The following AKAP7 variants were observed in gnomAD, a reference collection of about 807,000 sequenced individuals.
AKAP7 encodes A kinase (PRKA) anchor protein 7.
A neutral mutation model predicts 39.5 loss-of-function variants in AKAP7; 39 were observed. That is an observed-to-expected ratio of 0.99 (90% CI 0.76 to 1.29). AKAP7 has a LOEUF of 1.29. AKAP7 is among the 50% of genes most tolerant of loss of function. The probability of loss-of-function intolerance (pLI) is 0.00; values close to 1 mark genes in which losing one functional copy is unlikely to be tolerated. For synonymous variants in AKAP7, 140 were observed against 139.1 expected (o/e 1.01, Z -0.05); for missense variants, 414 against 407.7 (o/e 1.02, Z -0.13).
At chr6:131,261,665 A>G (rs1211564772) in intron 7 of AKAP7, among the ~76,000 whole-genome samples, 1 of 152,214 alleles carries the variant, frequency 6.6e-6, no homozygotes, top group East Asian at 1.9e-4. Context: ...AAATTGTTTT[A>G]TGGAGAATCA....
rs140907752 is a variant in AKAP7 at position 131,198,851 on chromosome 6, C to A, written c.590-610C>A. On this transcript the variant is annotated intron_variant, in intron 5 of 7. Coordinates refer to ENST00000431975, the MANE Select transcript of AKAP7 (RefSeq NM_016377.4). ...ACTGATCAGGACTCAGCAGAATATT[C>A]TAGGGGAACCCTTTGAAGAGCTCTG... Among the ~76,000 whole-genome samples the A allele has an allele frequency of 2.5e-3, 379 of 152,290 alleles. 4 individuals are homozygous for A. The highest frequency in any genetic ancestry group is 8.3e-3 in the African/African-American group (343 of 41,558).
At chr6:131,150,526 C>T (rs908070664) in intron 2 of AKAP7, among the ~76,000 whole-genome samples, 12 of 152,096 alleles carry the variant, frequency 7.9e-5, no homozygotes, top group African/African-American at 2.7e-4. Flanking sequence ...GAAGCATATA[C>T]TGCATATTCC....
At chr6:131,235,586 T>G (rs577560255) in intron 7 of AKAP7, among the ~76,000 whole-genome samples, 1 of 152,332 alleles carries the variant, frequency 6.6e-6, no homozygotes, top group Admixed American at 6.5e-5. Flanking sequence ...TCCTGACTTT[T>G]TAATGGTCAC....
intron 7 of AKAP7, among the ~76,000 whole-genome samples, chr6:131,265,530 A>T (rs564965353): frequency 3.5e-4 from 53 of 152,302 alleles, no homozygotes; most frequent in African/African-American, 1.2e-3. Context: ...TTTCACAGGG[A>T]TACTGAGGAG....
intron 7 of AKAP7, among the ~76,000 whole-genome samples, chr6:131,249,477 T>G (rs1812275320): frequency 6.6e-6 from 1 of 152,204 alleles, no homozygotes; most frequent in African/African-American, 2.4e-5. Flanking sequence ...GTGTTCAGCA[T>G]CATCCTGTTC....
intron 5 of AKAP7, among the ~76,000 whole-genome samples, chr6:131,171,987 G>A (rs1804096103): frequency 6.6e-6 from 1 of 152,144 alleles, no homozygotes; most frequent in South Asian, 2.1e-4. Flanking sequence ...TAGGAGGTGT[G>A]ATCAGAGAGC....
chr6:131,169,338 A>G (rs1803810651), intron 5 of AKAP7, 65 bp downstream of exon 5: 1 of 1,544,400 alleles, frequency 6.5e-7, no homozygotes, highest in Non-Finnish European at 8.9e-7. Flanking sequence ...TCAATTTTGT[A>G]ACAGAGACTT....
intron 7 of AKAP7, among the ~76,000 whole-genome samples, chr6:131,226,882 A>G (rs775534527): frequency 6.6e-6 from 1 of 152,220 alleles, no homozygotes; most frequent in Admixed American, 6.5e-5. Flanking sequence ...TTCAACATTA[A>G]TGAATGTTAC....
chr6:131,185,040 CTGTT>C (rs948812790), intron 5 of AKAP7: 21 of 730,378 alleles, frequency 2.9e-5, no homozygotes, highest in Middle Eastern at 2.4e-4. Context: ...TCGTGCTTGA[CTGTT>C]TGTCACAGGA....
intron 7 of AKAP7, among the ~76,000 whole-genome samples, chr6:131,274,345 C>T (rs9483242): frequency 6.6e-6 from 1 of 152,082 alleles, no homozygotes; most frequent in African/African-American, 2.4e-5. Context: ...CATTCGTTTT[C>T]TGCACTCTCC....
rs901001455 is a variant in AKAP7 at position 131,190,868 on chromosome 6, CCTT to C, written c.590-8583_590-8581del. On this transcript the variant is annotated intron_variant, in intron 5 of 7. Coordinates refer to ENST00000431975, the MANE Select transcript of AKAP7 (RefSeq NM_016377.4). ...ATTTTTTTGATGTTGATTGGGAAGT[CCTT>C]CTTCTTCTTGTGCTGAAATCTGTCC... 2.6e-4 allele frequency among the ~76,000 whole-genome samples: 39 copies of C among 151,970 alleles called. 1 individual carries two copies. The highest frequency in any genetic ancestry group is 1.7e-3 in the South Asian group (8 of 4,816).
intron 2 of AKAP7, among the ~76,000 whole-genome samples, chr6:131,152,221 T>C (rs17787339): frequency 0.071 from 10,802 of 152,292 alleles, 503 homozygotes; most frequent in Middle Eastern, 0.16. Context: ...TGCTAACCAA[T>C]GAAGTTACTC....
chr6:131,130,391 G>T, the AKAP7 span, among the ~76,000 whole-genome samples: 1 of 152,192 alleles, frequency 6.6e-6, no homozygotes, highest in African/African-American at 2.4e-5. Context: ...TCTGCCTCCT[G>T]AGTTCGAGCG....
At chr6:131,127,961 T>G in the AKAP7 span, among the ~76,000 whole-genome samples, 1 of 152,098 alleles carries the variant, frequency 6.6e-6, no homozygotes, top group Non-Finnish European at 1.5e-5. Context: ...CACTTGTAAG[T>G]GGGAGCTAAA....
At chr6:131,271,586 G>A (rs1055920804) in intron 7 of AKAP7, among the ~76,000 whole-genome samples, 7 of 151,872 alleles carry the variant, frequency 4.6e-5, no homozygotes, top group Admixed American at 4.6e-4. Flanking sequence ...GGAGTCTTGT[G>A]TTGCCCAGGC....
chr6:131,275,620 T>G (rs1814680790), intron 7 of AKAP7, among the ~76,000 whole-genome samples: 1 of 152,176 alleles, frequency 6.6e-6, no homozygotes, highest in South Asian at 2.1e-4. Context: ...AGGAGGGTTC[T>G]TAGGTGGGCT....
At chr6:131,156,700 CTCA>C (rs1802447328) in intron 2 of AKAP7, among the ~76,000 whole-genome samples, 1 of 151,854 alleles carries the variant, frequency 6.6e-6, no homozygotes, top group Non-Finnish European at 1.5e-5. Context: ...ATTTTCCATA[CTCA>C]TAGAAGGTGC....
chr6:131,242,336 T>C (rs563461308), intron 7 of AKAP7: 1 of 407,872 alleles, frequency 2.5e-6, no homozygotes, highest in African/African-American at 2.2e-5. Context: ...ACTTAAGCAG[T>C]CAGTCTTAGT....
intron 7 of AKAP7, among the ~76,000 whole-genome samples, chr6:131,278,315 A>C (rs913162073): frequency 6.6e-6 from 1 of 152,206 alleles, no homozygotes; most frequent in African/African-American, 2.4e-5. Context: ...TAAGAAAAAA[A>C]CCCAGTGGGA....
Sources: gnomAD v4.1 joint callset for allele counts (sites outside exome capture counted in the v4.1 genomes callset) on GRCh38, gnomAD v4.1.1 for gene constraint, MANE v1.5 for transcripts, NCBI Gene and HGNC (gene_info 2026-07-23, HGNC 2026-07-21) for gene names.